The following NELL1 variants were observed in gnomAD, a reference collection of about 807,000 sequenced individuals.
NELL1 encodes protein kinase C-binding protein NELL1.
In NELL1, 76 loss-of-function variants were observed where a neutral mutation model predicts 107.4. That is an observed-to-expected ratio of 0.71 (90% confidence interval 0.59 to 0.86). The LOEUF is 0.86. NELL1 is among the 40% of genes least tolerant of loss of function. The probability of loss-of-function intolerance (pLI) is 0.00; values close to 1 mark genes in which losing one functional copy is unlikely to be tolerated. For synonymous variants in NELL1, 353 were observed against 341.2 expected (o/e 1.03, Z -0.38); for missense variants, 1,024 against 1,005.5 (o/e 1.02, Z -0.25).
At chr11:21,027,450 G>A (rs1447568060) in intron 12 of NELL1, among the ~76,000 whole-genome samples, 1 of 152,072 alleles carries the variant, frequency 6.6e-6, no homozygotes, top group Non-Finnish European at 1.5e-5. Flanking sequence ...AATGAAACAA[G>A]ATTCCAAGCT....
intron 14 of NELL1, among the ~76,000 whole-genome samples, chr11:21,331,977 C>T (rs1850282006): frequency 6.6e-6 from 1 of 151,926 alleles, no homozygotes; most frequent in Admixed American, 6.6e-5. Context: ...TTGAGGCTTC[C>T]TTCTAAGTTT....
chr11:21,412,335 T>C (rs1182935448), intron 15 of NELL1, among the ~76,000 whole-genome samples: 2 of 152,084 alleles, frequency 1.3e-5, no homozygotes, highest in African/African-American at 4.8e-5. Flanking sequence ...AATGATTTTG[T>C]AATTAAATAA....
At chr11:21,103,397 C>G (rs1854868858) in intron 12 of NELL1, among the ~76,000 whole-genome samples, 1 of 152,138 alleles carries the variant, frequency 6.6e-6, no homozygotes, top group Non-Finnish European at 1.5e-5. Context: ...CTAAGTTTGC[C>G]TTGTAGAGAG....
Position 20,897,053 on chromosome 11 carries a change from A to G in NELL1, c.603+11513A>G, listed in dbSNP as rs182322336. On this transcript the variant is annotated intron_variant, in intron 5 of 19. Coordinates refer to ENST00000357134, the MANE Select transcript of NELL1 (RefSeq NM_006157.5). ...CCAATGCCTTTCTTCACAGAATTGG[A>G]AAAAACTACTTTAAAGTTCCTATGG... Among the ~76,000 whole-genome samples the G allele has an allele frequency of 4.4e-3, 669 of 152,248 alleles. 2 individuals are homozygous for G. The highest frequency in any genetic ancestry group is 0.015 in the African/African-American group (639 of 41,522).
At chr11:21,522,969 C>T (rs1438480317) in intron 15 of NELL1, among the ~76,000 whole-genome samples, 1 of 151,018 alleles carries the variant, frequency 6.6e-6, no homozygotes, top group Non-Finnish European at 1.5e-5. Flanking sequence ...CTCAGGCTCC[C>T]GAGTAGCTGG....
chr11:21,178,509 G>A (rs926321080), intron 13 of NELL1, among the ~76,000 whole-genome samples: 25 of 151,676 alleles, frequency 1.6e-4, no homozygotes, highest in African/African-American at 5.9e-4. Context: ...GCTCACACCT[G>A]TAATCTCAGC....
intron 14 of NELL1, among the ~76,000 whole-genome samples, chr11:21,294,370 C>T (rs796126404): frequency 4.6e-5 from 7 of 152,124 alleles, no homozygotes; most frequent in African/African-American, 1.7e-4. Context: ...ATTAATTGGA[C>T]ATCTACTTGA....
intron 14 of NELL1, among the ~76,000 whole-genome samples, chr11:21,233,687 C>T (rs1858123761): frequency 6.6e-6 from 1 of 152,168 alleles, no homozygotes; most frequent in Admixed American, 6.5e-5. Context: ...ATTTGCATTA[C>T]CTGACATGAA....
intron 2 of NELL1, among the ~76,000 whole-genome samples, chr11:20,689,687 G>T (rs71488749): frequency 0.39 from 56,472 of 145,368 alleles, 12,542 homozygotes; most frequent in African/African-American, 0.61. Flanking sequence ...GTCTATCATT[G>T]TTGGACATTT....
intron 14 of NELL1, among the ~76,000 whole-genome samples, chr11:21,232,659 T>G (rs1431139207): frequency 2.0e-5 from 3 of 152,188 alleles, no homozygotes; most frequent in African/African-American, 4.8e-5. Flanking sequence ...TTATTTTCAC[T>G]TTTTATTTTT....
chr11:21,099,978 A>C (rs539885933), intron 12 of NELL1, among the ~76,000 whole-genome samples: 1 of 152,212 alleles, frequency 6.6e-6, no homozygotes, highest in Non-Finnish European at 1.5e-5. Flanking sequence ...TATTTTACAA[A>C]TTGTGCTAAA....
chr11:20,877,064 A>T (rs1849319481), intron 4 of NELL1, among the ~76,000 whole-genome samples: 1 of 152,202 alleles, frequency 6.6e-6, no homozygotes, highest in South Asian at 2.1e-4. Flanking sequence ...GCTTAGCTTC[A>T]TGTGCAAGGT....
chr11:21,158,363 A>G (rs149316160), intron 13 of NELL1, among the ~76,000 whole-genome samples: 18 of 152,130 alleles, frequency 1.2e-4, no homozygotes, highest in African/African-American at 4.1e-4. Context: ...TTTCATATAT[A>G]CCTCTATCCT....
chr11:20,935,353 G>A (rs1850701964), intron 9 of NELL1, among the ~76,000 whole-genome samples: 1 of 152,212 alleles, frequency 6.6e-6, no homozygotes. Flanking sequence ...TGTATAGGGT[G>A]GGAGGCTGCC....
At chr11:21,123,369 G>GCA (rs1318542851) in intron 13 of NELL1, among the ~76,000 whole-genome samples, 4 of 148,876 alleles carry the variant, frequency 2.7e-5, no homozygotes, top group Non-Finnish European at 4.4e-5. Context: ...GTGTGTGTGC[G>GCA]TTTCCATGTA....
chr11:21,553,325 G>T (rs1018201720), intron 16 of NELL1, among the ~76,000 whole-genome samples: 1 of 151,798 alleles, frequency 6.6e-6, no homozygotes, highest in African/African-American at 2.4e-5. Flanking sequence ...TTCCTTTGTT[G>T]CTTCCTCTCA....
rs146949073 is a variant in NELL1 at position 20,815,508 on chromosome 11, T to G, written c.335+31678T>G. Among the ~76,000 whole-genome samples, 1,517 of 152,304 alleles carry G rather than the reference T, an allele frequency of 1.0e-2. 13 individuals are homozygous for G. Among genetic ancestry groups the G allele is most frequent in the Middle Eastern group, 0.027 (8 of 294 alleles). On this transcript the variant is annotated intron_variant, in intron 3 of 19. Transcript: ENST00000357134. ...CCTTTGCCCATTTCTTAAATGGGGT[T>G]GTTTTTGGCTTGTTGATTTAAGTCC...
At chr11:21,113,850 C>A in intron 13 of NELL1, 136 bp downstream of exon 13, 1 of 855,852 alleles carries the variant, frequency 1.2e-6, no homozygotes, top group South Asian at 2.3e-5. Context: ...TTCACCCCAC[C>A]TTTTGAGAAA....
At chr11:20,775,550 C>G (rs1856734397) in intron 2 of NELL1, among the ~76,000 whole-genome samples, 1 of 151,916 alleles carries the variant, frequency 6.6e-6, no homozygotes, top group African/African-American at 2.4e-5. Flanking sequence ...TTAACTCTCT[C>G]TTTATTCCTG....
Sources: allele counts gnomAD v4.1 joint callset (sites outside exome capture counted in the v4.1 genomes callset), GRCh38; gene constraint gnomAD v4.1.1; transcripts MANE v1.5; gene names NCBI Gene and HGNC (gene_info 2026-07-23, HGNC 2026-07-21).